Variants in SCAF11 observed in about 807,000 individuals in gnomAD.
The protein encoded by SCAF11 is SR-related CTD associated factor 11.
A neutral mutation model predicts 140.5 loss-of-function variants in SCAF11; 47 were observed. The ratio of observed to expected loss-of-function variants is 0.33; its 90% CI spans 0.26 to 0.43. SCAF11 has a LOEUF of 0.43. Ranked by LOEUF, SCAF11 falls within the 20% of genes least tolerant of loss-of-function variation. The probability of loss-of-function intolerance (pLI) is 1.00; values close to 1 mark genes in which losing one functional copy is unlikely to be tolerated. For missense variants in SCAF11, 1,645 were observed against 1,705.1 expected, an observed-to-expected ratio of 0.96 and a Z score of 0.62; for synonymous variants, 557 against 579.4, an observed-to-expected ratio of 0.96 and a Z score of 0.55.
intron 1 of SCAF11, among the ~76,000 whole-genome samples, chr12:45,986,857 C>G (rs959039311): frequency 1.3e-5 from 2 of 152,038 alleles, no homozygotes; most frequent in South Asian, 4.2e-4. Flanking sequence ...AAGAAGTGCC[C>G]TTCTCCTCCC....
At chr12:45,944,621 T>A (rs1041455077) in intron 6 of SCAF11, among the ~76,000 whole-genome samples, 8 of 152,152 alleles carry the variant, frequency 5.3e-5, no homozygotes, top group Non-Finnish European at 1.0e-4. Context: ...TGGGACAGAA[T>A]AAACAGCCTG....
At chr12:45,989,841 G>A (rs958330846) in intron 1 of SCAF11, among the ~76,000 whole-genome samples, 2 of 152,208 alleles carry the variant, frequency 1.3e-5, no homozygotes, top group African/African-American at 4.8e-5. Context: ...GGTTTCACTA[G>A]CGGGCTTGGA....
intron 6 of SCAF11, among the ~76,000 whole-genome samples, chr12:45,937,267 T>C (rs1286763596): frequency 6.6e-6 from 1 of 152,202 alleles, no homozygotes; most frequent in African/African-American, 2.4e-5. Flanking sequence ...CTTCTACTCC[T>C]GTTGAATTTT....
chr12:45,942,866 A>G (rs563511274), intron 6 of SCAF11, among the ~76,000 whole-genome samples: 2 of 152,274 alleles, frequency 1.3e-5, no homozygotes, highest in African/African-American at 2.4e-5. Flanking sequence ...GCGTTTGTCT[A>G]CGAGAAGATC....
chr12:45,960,548 C>G (rs542247545), intron 3 of SCAF11: 1 of 152,188 alleles, frequency 6.6e-6, no homozygotes, highest in East Asian at 1.9e-4. Flanking sequence ...GATTTACCAA[C>G]CATATTAATT....
intron 1 of SCAF11, 81 bp downstream of exon 1, chr12:45,990,272 C>G: frequency 8.1e-7 from 1 of 1,230,192 alleles, no homozygotes; most frequent in Non-Finnish European, 1.0e-6. Flanking sequence ...CCCGCTCCAG[C>G]GCTCTGCGCC....
Position 45,962,015 on chromosome 12 carries a change from G to A in SCAF11, c.62-158C>T, listed in dbSNP as rs116686369. On this transcript the variant is annotated intron_variant, in intron 2 of 14. Coordinates refer to ENST00000369367, the MANE Select transcript of SCAF11 (RefSeq NM_004719.3). ...AGCAAACATACTGCTTGAGCCCAAC[G>A]TGCCCAACATTTACTTTCTTAAATT... Among the ~76,000 whole-genome samples, 924 of 152,166 alleles carry A rather than the reference G, an allele frequency of 6.1e-3. 16 individuals carry two copies. Among genetic ancestry groups the A allele is most frequent in the African/African-American group, 0.021 (861 of 41,532 alleles).
chr12:45,946,612 A>G (rs1411766171), intron 5 of SCAF11, among the ~76,000 whole-genome samples: 2 of 151,032 alleles, frequency 1.3e-5, no homozygotes, highest in African/African-American at 4.9e-5. Context: ...CCTTGGCAAG[A>G]GCCAAGAGAA....
intron 1 of SCAF11, among the ~76,000 whole-genome samples, chr12:45,971,684 A>G (rs975548509): frequency 1.3e-5 from 2 of 152,136 alleles, no homozygotes; most frequent in African/African-American, 2.4e-5. Flanking sequence ...CCTAATGTTC[A>G]GAAAGAGAGG....
At chr12:45,940,996 G>T (rs2136546794) in intron 6 of SCAF11, among the ~76,000 whole-genome samples, 1 of 152,184 alleles carries the variant, frequency 6.6e-6, no homozygotes. Context: ...GTAGAGGTGG[G>T]TTTCGCCACG....
At chr12:45,923,811 A>G (rs1944773517) in intron 12 of SCAF11, among the ~76,000 whole-genome samples, 2 of 151,290 alleles carry the variant, frequency 1.3e-5, no homozygotes, top group Non-Finnish European at 2.9e-5. Flanking sequence ...GCCTCCGAGT[A>G]GCTGGGATTA....
At position 45,928,001 on chromosome 12, in the gene SCAF11, G is replaced by A. The variant is rs1944934028; in HGVS notation, c.1700C>T (p.Pro567Leu). The change falls in exon 11 of 15, where the codon CCC becomes CTC. Residue 567 changes from proline to leucine, a missense_variant. By Grantham distance (98) the Pro-to-Leu change is moderately conservative. Around this residue, in one of 2 missense-constraint regions of SCAF11, gnomAD observed 1,582 missense variants for 1,609.2 expected, o/e 0.98. Transcript: ENST00000369367. ...ESKVYQPVSC[P>L]LSDLSENVES... ...TACATTCTCAGATAAGTCACTTAGG[G>A]GACAAGATACAGGTTGGTACACTTT... 8 of 1,613,002 alleles carry A rather than the reference G, an allele frequency of 5.0e-6. No individual in the cohort carries two copies. The highest frequency in any genetic ancestry group is 6.8e-6 in the Non-Finnish European group (8 of 1,179,982).
At chr12:45,947,662 G>A (rs1265295322) in intron 5 of SCAF11, among the ~76,000 whole-genome samples, 3 of 152,306 alleles carry the variant, frequency 2.0e-5, no homozygotes, top group South Asian at 2.1e-4. Flanking sequence ...GTACAAAAAT[G>A]AGGGTAAGCA....
At chr12:45,961,118 T>A in intron 3 of SCAF11, 1 of 532,352 alleles carries the variant, frequency 1.9e-6, no homozygotes, top group Non-Finnish European at 3.4e-6. Context: ...GACTCTGAAA[T>A]TAGTCCACAC....
chr12:45,969,190 T>A (rs893946671), intron 1 of SCAF11, among the ~76,000 whole-genome samples: 2 of 152,232 alleles, frequency 1.3e-5, no homozygotes, highest in African/African-American at 4.8e-5. Flanking sequence ...CAAGTTATAT[T>A]TGGGATGCTA....
intron 1 of SCAF11, among the ~76,000 whole-genome samples, chr12:45,970,360 A>G (rs1054995053): frequency 1.3e-5 from 2 of 152,178 alleles, no homozygotes; most frequent in African/African-American, 4.8e-5. Flanking sequence ...AAAAAGGTAA[A>G]ATCAGATTCT....
intron 3 of SCAF11, chr12:45,955,899 C>T: frequency 2.2e-6 from 1 of 463,824 alleles, no homozygotes; most frequent in Non-Finnish European, 3.8e-6. Context: ...CACTGCTTTA[C>T]AGTGTAATGT....
At chr12:45,958,789 T>C (rs1945759272) in intron 3 of SCAF11, among the ~76,000 whole-genome samples, 1 of 152,212 alleles carries the variant, frequency 6.6e-6, no homozygotes, top group Non-Finnish European at 1.5e-5. Flanking sequence ...CCAAAGACTT[T>C]TTACTTAATC....
At chr12:45,965,620 C>T (rs1203757437) in intron 1 of SCAF11, among the ~76,000 whole-genome samples, 1 of 152,154 alleles carries the variant, frequency 6.6e-6, no homozygotes, top group African/African-American at 2.4e-5. Flanking sequence ...GGCCTTAAAT[C>T]AACTCTTAAT....
Sources: allele counts gnomAD v4.1 joint callset (sites outside exome capture counted in the v4.1 genomes callset), GRCh38; gene constraint gnomAD v4.1.1; regional missense constraint gnomAD v4.1.1; transcripts MANE v1.5; gene names NCBI Gene and HGNC (gene_info 2026-07-23, HGNC 2026-07-21).